Variants in ENTPD1 observed in about 807,000 individuals in gnomAD.
ENTPD1 encodes the protein ectonucleoside triphosphate diphosphohydrolase 1.
Under a neutral mutation model 57.0 loss-of-function variants are expected in ENTPD1, and 33 were observed. That is an observed-to-expected ratio of 0.58 (90% CI 0.44 to 0.77). The LOEUF is 0.77. Ranked by LOEUF, ENTPD1 falls within the 30% of genes least tolerant of loss-of-function variation. The pLI, the probability that ENTPD1 is intolerant of heterozygous loss-of-function variation, is 0.00. For synonymous variants in ENTPD1, 202 were observed against 218.8 expected (o/e 0.92, Z 0.68); for missense variants, 501 against 603.4 (o/e 0.83, Z 1.78).
intron 1 of ENTPD1, among the ~76,000 whole-genome samples, chr10:95,767,430 A>G (rs1260470211): frequency 6.6e-6 from 1 of 151,800 alleles, no homozygotes; most frequent in Non-Finnish European, 1.5e-5. Flanking sequence ...GAGAAGGATT[A>G]AGAGTTTTTG....
At chr10:95,823,020 AC>A (rs2098359207) in intron 1 of ENTPD1, among the ~76,000 whole-genome samples, 1 of 152,210 alleles carries the variant, frequency 6.6e-6, no homozygotes, top group Non-Finnish European at 1.5e-5. Context: ...TGCCACAGCC[AC>A]TAACTCAGTC....
intron 1 of ENTPD1, among the ~76,000 whole-genome samples, chr10:95,750,428 T>G (rs2098010490): frequency 6.6e-6 from 1 of 152,126 alleles, no homozygotes; most frequent in Non-Finnish European, 1.5e-5. Context: ...GCACCTCCCC[T>G]TTCTCTCTCG....
intron 2 of ENTPD1, among the ~76,000 whole-genome samples, chr10:95,834,469 A>G (rs956580728): frequency 2.6e-5 from 4 of 152,192 alleles, no homozygotes; most frequent in African/African-American, 9.6e-5. Flanking sequence ...GCCCTGGAGC[A>G]GAAACCATGA....
chr10:95,842,603 C>A, intron 4 of ENTPD1, 109 bp downstream of exon 4: 1 of 1,222,786 alleles, frequency 8.2e-7, no homozygotes, highest in Non-Finnish European at 1.1e-6. Flanking sequence ...AAGTTCTACA[C>A]ACCCAAGTCC....
intron 8 of ENTPD1, among the ~76,000 whole-genome samples, chr10:95,863,097 A>G (rs1457248752): frequency 6.6e-6 from 1 of 152,232 alleles, no homozygotes; most frequent in Admixed American, 6.5e-5. Context: ...GGATTGATGA[A>G]GAAGGTGGAT....
chr10:95,697,587 G>A, the ENTPD1 span, among the ~76,000 whole-genome samples: 5 of 152,170 alleles, frequency 3.3e-5, no homozygotes, highest in Admixed American at 3.3e-4. Context: ...TGTCATGAGA[G>A]AGGAACTGGT....
At chr10:95,772,978 T>G (rs2098120436) in intron 1 of ENTPD1, among the ~76,000 whole-genome samples, 1 of 152,144 alleles carries the variant, frequency 6.6e-6, no homozygotes, top group Admixed American at 6.5e-5. Context: ...AGCTCAAGAT[T>G]GGGCATCTGG....
In ENTPD1 at chr10:95,874,619, C is replaced by T. The variant is rs932806516; in HGVS notation, c.*8236C>T. 1.3e-5 allele frequency among the ~76,000 whole-genome samples: 2 copies of T among 152,236 alleles called. No individual in the cohort carries two copies. Among genetic ancestry groups the T allele is most frequent in the African/African-American group, 4.8e-5 (2 of 41,464 alleles). ...GACTGTGGCCTTCTTCTCACAGCTC[C>T]ACTAGGCAGTGCCCCAACAGGGACT... On this transcript the variant is annotated 3_prime_UTR_variant, in exon 10 of 10. Coordinates refer to ENST00000371205, the MANE Select transcript of ENTPD1 (RefSeq NM_001776.6).
intron 1 of ENTPD1, among the ~76,000 whole-genome samples, chr10:95,746,234 C>T (rs2098005907): frequency 6.6e-6 from 1 of 152,148 alleles, no homozygotes; most frequent in African/African-American, 2.4e-5. Flanking sequence ...AGAGAACTCA[C>T]CCTTACTGAG....
chr10:95,836,762 G>C (rs1245312078), intron 2 of ENTPD1, among the ~76,000 whole-genome samples: 1 of 152,150 alleles, frequency 6.6e-6, no homozygotes, highest in East Asian at 1.9e-4. Context: ...TGTAGGCCTC[G>C]TACTCTCTGG....
intron 7 of ENTPD1, among the ~76,000 whole-genome samples, chr10:95,853,610 T>A (rs1055096661): frequency 6.6e-6 from 1 of 152,142 alleles, no homozygotes; most frequent in Non-Finnish European, 1.5e-5. Flanking sequence ...TGTCCCATCA[T>A]TACCTAATTT....
In ENTPD1 at chr10:95,870,715, C is replaced by G; in HGVS notation, c.*4332C>G. Reference sequence around the variant, plus strand: ...AAACTGGTCTGGCCCCTCTCTGATTCAAATACCAATAGTTGCTCTGATTCA... The same window carrying G: ...AAACTGGTCTGGCCCCTCTCTGATTGAAATACCAATAGTTGCTCTGATTCA... On this transcript the variant is annotated 3_prime_UTR_variant, in exon 10 of 10. Transcript: ENST00000371205. 1 of 985,460 alleles carries G rather than the reference C, an allele frequency of 1.0e-6. No homozygotes were observed. Among genetic ancestry groups the G allele is most frequent in the Middle Eastern group, 5.2e-4 (1 of 1,914 alleles). 61.0% of individuals were successfully genotyped at this position (985,460 alleles called of 1,614,324 possible).
intron 1 of ENTPD1, among the ~76,000 whole-genome samples, chr10:95,795,239 G>A (rs1001956078): frequency 1.1e-4 from 16 of 152,046 alleles, no homozygotes; most frequent in Non-Finnish European, 1.9e-4. Context: ...AGGCCTCAGG[G>A]ACATTTGCTG....
upstream of ENTPD1, among the ~76,000 whole-genome samples, chr10:95,752,973 T>A (rs1279413700): frequency 6.6e-6 from 1 of 152,172 alleles, no homozygotes; most frequent in Non-Finnish European, 1.5e-5. Flanking sequence ...AGAATGAGAA[T>A]CACTTAAATA....
chr10:95,873,395 T>C lies in ENTPD1; in HGVS notation c.*7012T>C. ...GATCCCTCTCTGCCTTGCCTTGCCC[T>C]CTGCCTTTGGAGACCAGCACCTCAT... On this transcript the variant is annotated 3_prime_UTR_variant, in exon 10 of 10. Coordinates refer to ENST00000371205, the MANE Select transcript of ENTPD1 (RefSeq NM_001776.6). 1 of 985,656 alleles carries C rather than the reference T, an allele frequency of 1.0e-6. No individual in the cohort carries two copies. The highest frequency in any genetic ancestry group is 1.2e-6 in the Non-Finnish European group (1 of 830,100). 61.1% of individuals were successfully genotyped at this position (985,656 alleles called of 1,614,324 possible). A position where few individuals can be genotyped will look rare whatever the true frequency, so the allele number is the denominator to read the frequency against.
chr10:95,800,409 A>G (rs2098244211), intron 1 of ENTPD1, among the ~76,000 whole-genome samples: 1 of 152,148 alleles, frequency 6.6e-6, no homozygotes, highest in African/African-American at 2.4e-5. Context: ...AGAATTACTG[A>G]TGAGGGCCTA....
At position 95,866,300 on chromosome 10, in the gene ENTPD1, T is replaced by G. The variant is rs549530256; in HGVS notation, c.1450T>G (p.Phe484Val). 6.2e-7 allele frequency: 1 copy of G among 1,614,212 alleles called. No individual in the cohort carries two copies. The highest frequency in any genetic ancestry group is 1.1e-5 in the South Asian group (1 of 91,092). Residue 484 changes from phenylalanine to valine, a missense_variant, in exon 10 of 10, where the codon TTC becomes GTC. By Grantham distance (50) the Phe-to-Val change is conservative. Transcript: ENST00000371205. ...HSTYVFLMVLFSLVLFTVAII... is the reference protein window; with the variant it reads ...HSTYVFLMVLVSLVLFTVAII... ...CACCTATGTCTTCCTCATGGTTCTA[T>G]TCTCCCTGGTCCTTTTCACAGTGGC... is the stretch of plus-strand genomic sequence containing the variant.
chr10:95,747,792 C>G (rs190926728), intron 1 of ENTPD1, among the ~76,000 whole-genome samples: 12 of 152,178 alleles, frequency 7.9e-5, no homozygotes. Context: ...GGTGAATATA[C>G]TTTTCTTGCT....
At chr10:95,762,572 A>T (rs2098070056) in intron 1 of ENTPD1, among the ~76,000 whole-genome samples, 2 of 152,176 alleles carry the variant, frequency 1.3e-5, no homozygotes, top group African/African-American at 4.8e-5. Context: ...GGTCTTTGTT[A>T]GCGTAATTTT....
Sources: gnomAD v4.1 joint callset for allele counts (sites outside exome capture counted in the v4.1 genomes callset) on GRCh38, gnomAD v4.1.1 for gene constraint, MANE v1.5 for transcripts, NCBI Gene and HGNC (gene_info 2026-07-23, HGNC 2026-07-21) for gene names.